The following TMTC2 variants were observed in gnomAD, a reference collection of about 807,000 sequenced individuals.
TMTC2 encodes the protein protein O-mannosyl-transferase TMTC2.
TMTC2 carries 43 observed loss-of-function variants against 82.4 expected under a neutral mutation model. The observed-to-expected ratio is 0.52, with a 90% CI of 0.41 to 0.67. The LOEUF (loss-of-function observed/expected upper bound fraction) is 0.67, where lower values mean the gene tolerates loss of function less well. Among genes scored for constraint, TMTC2 ranks in the 30% least tolerant of loss-of-function variants. TMTC2 has a pLI of 0.00. For synonymous variants in TMTC2, 408 were observed against 381.9 expected, an observed-to-expected ratio of 1.07 and a Z score of -0.80; for missense variants, 919 against 1,012.4, an observed-to-expected ratio of 0.91 and a Z score of 1.25.
chr12:82,973,631 T>A (rs1433908944), intron 7 of TMTC2, among the ~76,000 whole-genome samples: 2 of 152,210 alleles, frequency 1.3e-5, no homozygotes, highest in East Asian at 3.9e-4. Flanking sequence ...TGTACTATGG[T>A]TACAGACGCT....
intron 8 of TMTC2, among the ~76,000 whole-genome samples, chr12:83,011,714 G>T (rs114057474): frequency 1.3e-5 from 2 of 152,024 alleles, no homozygotes; most frequent in Non-Finnish European, 2.9e-5. Flanking sequence ...AAGTCCTACC[G>T]AACTATACAA....
At chr12:83,053,730 T>G (rs1882436589) in intron 10 of TMTC2, among the ~76,000 whole-genome samples, 1 of 152,198 alleles carries the variant, frequency 6.6e-6, no homozygotes, top group South Asian at 2.1e-4. Flanking sequence ...TAGAATAAGC[T>G]AATATAAAGT....
chr12:83,019,224 A>T (rs1044209374), intron 8 of TMTC2, among the ~76,000 whole-genome samples: 3 of 152,034 alleles, frequency 2.0e-5, no homozygotes, highest in African/African-American at 7.3e-5. Flanking sequence ...GTTATTTTTT[A>T]AAAACCCTCA....
intron 1 of TMTC2, among the ~76,000 whole-genome samples, chr12:82,761,962 C>T (rs1248552092): frequency 5.5e-5 from 6 of 108,660 alleles, no homozygotes; most frequent in Admixed American, 2.7e-4. Flanking sequence ...TTTCCTTTCC[C>T]TTTCCTTTTT....
chr12:82,986,140 T>G, intron 8 of TMTC2, 94 bp downstream of exon 8: 1 of 1,548,796 alleles, frequency 6.5e-7, no homozygotes, highest in African/African-American at 1.4e-5. Flanking sequence ...GCCAGTTATC[T>G]AAGCTATTAG....
intron 8 of TMTC2, among the ~76,000 whole-genome samples, chr12:83,011,822 A>C (rs1236042246): frequency 6.6e-6 from 1 of 152,238 alleles, no homozygotes; most frequent in African/African-American, 2.4e-5. Flanking sequence ...GAATAACTAC[A>C]TGATACTGAA....
chr12:83,120,934 T>C (rs1884927505), intron 11 of TMTC2, among the ~76,000 whole-genome samples: 1 of 152,206 alleles, frequency 6.6e-6, no homozygotes, highest in African/African-American at 2.4e-5. Context: ...CTTCTACTTG[T>C]TCAGTTCTAT....
At chr12:82,724,509 C>G (rs780477001) in intron 1 of TMTC2, among the ~76,000 whole-genome samples, 1 of 152,186 alleles carries the variant, frequency 6.6e-6, no homozygotes, top group Non-Finnish European at 1.5e-5. Context: ...TGCGCTCTCT[C>G]TCTCCTACTG....
At chr12:83,010,614 A>C (rs541891883) in intron 8 of TMTC2, among the ~76,000 whole-genome samples, 62 of 152,334 alleles carry the variant, frequency 4.1e-4, no homozygotes, top group African/African-American at 1.4e-3. Context: ...CCCTGGTGAT[A>C]GTCATTGTCT....
intron 11 of TMTC2, 91 bp downstream of exon 11, chr12:83,061,922 TTTTTGTTTTG>T (rs139869818): frequency 2.8e-6 from 3 of 1,067,634 alleles, no homozygotes; most frequent in African/African-American, 1.7e-5. Flanking sequence ...GGTTTTTTGT[TTTTTGTTTTG>T]TTTTGTTTTG....
rs377153661 is a variant in TMTC2, at chr12:82,926,902, A to G, written c.1484-3529A>G. The stretch of plus-strand genomic sequence containing the variant: ...AGCTTAATGTTGAGTCCTACTGCTC[A>G]GAAAGAAATTGTTTTCAAAAGATTA... On this transcript the variant is annotated intron_variant, in intron 3 of 11. Transcript: ENST00000321196. Among the ~76,000 whole-genome samples, 17 of 152,360 alleles carry G rather than the reference A, an allele frequency of 1.1e-4. No homozygotes were observed. The East Asian group carries it at 1.5e-3, about 14-fold the overall frequency.
At chr12:82,837,879 C>T (rs1393261770) in intron 1 of TMTC2, among the ~76,000 whole-genome samples, 1 of 152,082 alleles carries the variant, frequency 6.6e-6, no homozygotes, top group African/African-American at 2.4e-5. Context: ...GTACAGGGAT[C>T]TCATGTTTGG....
chr12:82,788,031 C>A (rs1038331152), intron 1 of TMTC2, among the ~76,000 whole-genome samples: 1 of 152,040 alleles, frequency 6.6e-6, no homozygotes, highest in Admixed American at 6.6e-5. Flanking sequence ...AACGTGGTTA[C>A]GTGGTTTCCA....
chr12:82,793,468 G>T (rs1878563826), intron 1 of TMTC2, among the ~76,000 whole-genome samples: 2 of 148,040 alleles, frequency 1.4e-5, no homozygotes, highest in Non-Finnish European at 3.0e-5. Flanking sequence ...TTTAATTAAT[G>T]TTCATTGAGT....
At chr12:82,787,870 G>A (rs981687513) in intron 1 of TMTC2, among the ~76,000 whole-genome samples, 1 of 151,916 alleles carries the variant, frequency 6.6e-6, no homozygotes, top group East Asian at 1.9e-4. Flanking sequence ...AAGCTATCAC[G>A]CCAATGCACT....
intron 1 of TMTC2, among the ~76,000 whole-genome samples, chr12:82,816,704 C>T (rs534388868): frequency 1.3e-5 from 2 of 151,836 alleles, no homozygotes; most frequent in Admixed American, 6.6e-5. Flanking sequence ...ATTTTTTGGC[C>T]TATAGTGCTC....
intron 8 of TMTC2, among the ~76,000 whole-genome samples, chr12:83,007,078 A>G (rs1310427745): frequency 6.6e-6 from 1 of 152,130 alleles, no homozygotes; most frequent in East Asian, 1.9e-4. Context: ...CATGTACCCT[A>G]GAACTTAAAG....
intron 1 of TMTC2, among the ~76,000 whole-genome samples, chr12:82,821,621 C>T (rs1869115559): frequency 6.6e-6 from 1 of 151,972 alleles, no homozygotes; most frequent in African/African-American, 2.4e-5. Flanking sequence ...GTTTATAATC[C>T]CAGCACTTAG....
intron 1 of TMTC2, among the ~76,000 whole-genome samples, chr12:82,813,738 A>G (rs17010001): frequency 0.045 from 6,851 of 152,128 alleles, 508 homozygotes; most frequent in African/African-American, 0.16. Context: ...CAATATTTTT[A>G]ACCAAAAACT....
Sources: allele counts gnomAD v4.1 joint callset (sites outside exome capture counted in the v4.1 genomes callset), GRCh38; gene constraint gnomAD v4.1.1; transcripts MANE v1.5; gene names NCBI Gene and HGNC (gene_info 2026-07-23, HGNC 2026-07-21).